The following SND1 variants were observed in gnomAD, a reference collection of about 807,000 sequenced individuals.
SND1 encodes staphylococcal nuclease domain-containing protein 1.
Under a neutral mutation model 121.7 loss-of-function variants are expected in SND1, and 38 were observed. The observed-to-expected ratio is 0.31, with a 90% CI of 0.24 to 0.41. SND1 has a LOEUF of 0.41. SND1 is among the 10% of genes least tolerant of loss of function. The pLI, the probability that SND1 is intolerant of heterozygous loss-of-function variation, is 1.00. For missense variants in SND1, 868 were observed against 1,184.6 expected, an observed-to-expected ratio of 0.73 and a Z score of 3.92; for synonymous variants, 401 against 447.4, an observed-to-expected ratio of 0.90 and a Z score of 1.31.
intron 11 of SND1, among the ~76,000 whole-genome samples, chr7:127,841,904 G>A (rs1798972731): frequency 6.6e-6 from 1 of 152,092 alleles, no homozygotes; most frequent in Admixed American, 6.6e-5. Context: ...CTTACTTTCT[G>A]TGTTGTTGTG....
intron 1 of SND1, among the ~76,000 whole-genome samples, chr7:127,656,972 A>G (rs1028741062): frequency 2.2e-4 from 33 of 152,224 alleles, no homozygotes; most frequent in African/African-American, 8.0e-4. Flanking sequence ...GTAGCTTTTA[A>G]TCAAGATTGT....
intron 12 of SND1, among the ~76,000 whole-genome samples, chr7:127,846,821 A>T (rs1218704952): frequency 2.0e-5 from 3 of 152,118 alleles, no homozygotes; most frequent in African/African-American, 7.2e-5. Context: ...TTATTTGATG[A>T]TTGGAAGCTC....
At chr7:127,998,708 A>G (rs1489334405) in intron 16 of SND1, 1 of 152,252 alleles carries the variant, frequency 6.6e-6, no homozygotes, top group African/African-American at 2.4e-5. Flanking sequence ...TCCAGCCCCT[A>G]AATGAAAGTG....
At chr7:127,667,985 G>C (rs1795450336) in intron 1 of SND1, among the ~76,000 whole-genome samples, 1 of 152,168 alleles carries the variant, frequency 6.6e-6, no homozygotes, top group South Asian at 2.1e-4. Flanking sequence ...AGTCAACATG[G>C]CTACAGTCTC....
At chr7:128,079,436 C>A (rs1415512452) in intron 17 of SND1, among the ~76,000 whole-genome samples, 1 of 152,236 alleles carries the variant, frequency 6.6e-6, no homozygotes, top group Non-Finnish European at 1.5e-5. Context: ...GTACAGAGGT[C>A]TCTGGTGATG....
At chr7:127,991,810 G>A (rs1224297109) in intron 16 of SND1, among the ~76,000 whole-genome samples, 1 of 152,142 alleles carries the variant, frequency 6.6e-6, no homozygotes, top group Non-Finnish European at 1.5e-5. Context: ...ATGAGTCTTC[G>A]TAGATCTTTG....
At chr7:128,054,285 G>A (rs1446276506) in intron 16 of SND1, among the ~76,000 whole-genome samples, 1 of 152,242 alleles carries the variant, frequency 6.6e-6, no homozygotes, top group Non-Finnish European at 1.5e-5. Context: ...CCAGAGTGGG[G>A]AGGAAAAGAG....
At chr7:127,986,591 C>G (rs1019601523) in intron 15 of SND1, among the ~76,000 whole-genome samples, 1 of 152,096 alleles carries the variant, frequency 6.6e-6, no homozygotes, top group African/African-American at 2.4e-5. Context: ...GATTTTATTT[C>G]CTTTTGTTTT....
At chr7:127,754,848 C>T (rs1202861716) in intron 10 of SND1, among the ~76,000 whole-genome samples, 1 of 152,208 alleles carries the variant, frequency 6.6e-6, no homozygotes, top group Non-Finnish European at 1.5e-5. Context: ...TTTTGGCTTG[C>T]AAATATTTCA....
At chr7:127,982,540 G>A (rs1233503912) in intron 15 of SND1, among the ~76,000 whole-genome samples, 3 of 152,214 alleles carry the variant, frequency 2.0e-5, no homozygotes. Context: ...CTCCCCTGAG[G>A]TAACAAAGTA....
chr7:127,709,430 C>T (rs1350748751), intron 9 of SND1, among the ~76,000 whole-genome samples: 8 of 152,178 alleles, frequency 5.3e-5, no homozygotes, highest in Admixed American at 5.2e-4. Flanking sequence ...TCCTACCAGC[C>T]TGTCCTCTAT....
At chr7:127,740,022 C>CA (rs1796851349) in intron 10 of SND1, among the ~76,000 whole-genome samples, 1 of 152,212 alleles carries the variant, frequency 6.6e-6, no homozygotes, top group Middle Eastern at 3.2e-3. Flanking sequence ...CCAGCATAAA[C>CA]AGTTGCACTT....
chr7:127,956,363 C>T (rs1425576134), intron 15 of SND1, among the ~76,000 whole-genome samples: 1 of 152,210 alleles, frequency 6.6e-6, no homozygotes, highest in Non-Finnish European at 1.5e-5. Flanking sequence ...GCAGATACAT[C>T]TGGATACTTT....
intron 12 of SND1, among the ~76,000 whole-genome samples, chr7:127,856,340 A>C (rs568253902): frequency 3.1e-4 from 47 of 152,264 alleles, no homozygotes; most frequent in African/African-American, 1.1e-3. Flanking sequence ...AGGGCTACCA[A>C]ATTAGTGTTT....
intron 13 of SND1, among the ~76,000 whole-genome samples, chr7:127,895,525 G>A (rs1354679575): frequency 6.6e-6 from 1 of 152,092 alleles, no homozygotes; most frequent in African/African-American, 2.4e-5. Flanking sequence ...GCAGTTAAGT[G>A]TCACGATCAT....
Position 128,089,669 on chromosome 7 carries a change from A to C in SND1, c.2599A>C (p.Lys867Gln). ...KEGLVMVEVR[K>Q]EKQFQKVITE... is the part of the protein sequence containing the mutation. ...AGGGCTGGTCATGGTGGAGGTGCGCAAGGAGAAACAGTTCCAGAAAGTGGT... is the reference window on the plus strand; with the variant it reads ...AGGGCTGGTCATGGTGGAGGTGCGCCAGGAGAAACAGTTCCAGAAAGTGGT... Residue 867 changes from lysine (K) to glutamine (Q), a missense_variant, in exon 22 of 24, where the codon AAG (lysine) becomes CAG (glutamine). Coordinates refer to ENST00000354725, the MANE Select transcript of SND1 (RefSeq NM_014390.4). 6.2e-7 allele frequency: 1 copy of C among 1,614,124 alleles called. No homozygotes were observed. The highest frequency in any genetic ancestry group is 8.5e-7 in the Non-Finnish European group (1 of 1,180,014).
intron 10 of SND1, among the ~76,000 whole-genome samples, chr7:127,747,014 TA>T (rs2116447575): frequency 6.6e-6 from 1 of 152,346 alleles, no homozygotes; most frequent in Admixed American, 6.5e-5. Context: ...ATTAATTTTT[TA>T]AAAAGCTTAC....
At chr7:127,751,130 T>C (rs1266709162) in intron 10 of SND1, among the ~76,000 whole-genome samples, 1 of 152,014 alleles carries the variant, frequency 6.6e-6, no homozygotes, top group African/African-American at 2.4e-5. Flanking sequence ...TGTTGGTGTT[T>C]TGTTTCCATG....
intron 11 of SND1, among the ~76,000 whole-genome samples, chr7:127,840,008 A>G (rs1014510547): frequency 2.6e-5 from 4 of 152,222 alleles, no homozygotes; most frequent in Non-Finnish European, 5.9e-5. Flanking sequence ...GGTATCCTTC[A>G]TAATGTTATG....
Sources: gnomAD v4.1 joint callset for allele counts (sites outside exome capture counted in the v4.1 genomes callset) on GRCh38, gnomAD v4.1.1 for gene constraint, MANE v1.5 for transcripts, NCBI Gene and HGNC (gene_info 2026-07-23, HGNC 2026-07-21) for gene names.